The following GPR89B variants were observed in gnomAD, a reference collection of about 807,000 sequenced individuals.
The protein encoded by GPR89B is golgi pH regulator B.
A neutral mutation model predicts 52.4 loss-of-function variants in GPR89B; 25 were observed. The observed-to-expected ratio is 0.48, with a 90% confidence interval of 0.35 to 0.67. GPR89B has a LOEUF of 0.67. Among genes scored for constraint, GPR89B ranks in the 30% least tolerant of loss-of-function variants. The probability of loss-of-function intolerance (pLI) is 0.01; values close to 1 mark genes in which losing one functional copy is unlikely to be tolerated. For missense variants in GPR89B, 146 were observed against 450.2 expected (o/e 0.32, Z 6.11); for synonymous variants, 52 against 151.2 (o/e 0.34, Z 4.81).
In GPR89B at chr1:147,968,753, G is replaced by A. The variant is rs1657212419; in HGVS notation, c.728-122G>A. Reference sequence around the variant, plus strand: ...AGTAGTGTTGCTGGCTATGAAACAGGAAATTGAGAATATAGGCAACTCCGG... The same window carrying A: ...AGTAGTGTTGCTGGCTATGAAACAGAAAATTGAGAATATAGGCAACTCCGG... On this transcript the variant is annotated intron_variant, in intron 8 of 13. Coordinates refer to ENST00000314163, the MANE Select transcript of GPR89B (RefSeq NM_016334.5). 4.0e-6 allele frequency: 6 copies of A among 1,507,780 alleles called. No individual in the cohort carries two copies. The South Asian group carries it at 6.8e-5, about 17-fold the overall frequency. The allele number at this position is 1,507,780 out of a possible 1,614,324, so 93.4% of individuals were successfully genotyped here.
intron 1 of GPR89B, among the ~76,000 whole-genome samples, chr1:147,930,541 A>G (rs1558027578): frequency 6.6e-6 from 1 of 152,066 alleles, no homozygotes; most frequent in Non-Finnish European, 1.5e-5. Flanking sequence ...GTTGTAGTGA[A>G]TATTTGTTTA....
Position 147,984,244 on chromosome 1 carries a change from G to A in GPR89B, c.910-1955G>A, listed in dbSNP as rs1269117591. Among the ~76,000 whole-genome samples the A allele has an allele frequency of 3.3e-5, 5 of 150,778 alleles. No homozygotes were observed. The East Asian group carries it at 9.8e-4, about 30-fold the overall frequency. On this transcript the variant is annotated intron_variant, in intron 10 of 13. Coordinates refer to ENST00000314163, the MANE Select transcript of GPR89B (RefSeq NM_016334.5). ...CTAATGCTAAATGATGAGTTAATGG[G>A]TGCAGCACACCAGCATGTCACATGT...
chr1:147,971,723 G>T (rs1487866843), intron 10 of GPR89B, among the ~76,000 whole-genome samples: 3 of 151,168 alleles, frequency 2.0e-5, no homozygotes, highest in Non-Finnish European at 4.4e-5. Context: ...CTTGTGATGC[G>T]CCTGCCTCAG....
chr1:148,005,756 T>C, the GPR89B span, among the ~76,000 whole-genome samples: 6 of 152,062 alleles, frequency 3.9e-5, no homozygotes, highest in Non-Finnish European at 5.9e-5. Flanking sequence ...GGAGCACATA[T>C]ACCCTTTCCC....
At chr1:147,987,375 C>G (rs1170350966) in intron 11 of GPR89B, among the ~76,000 whole-genome samples, 2 of 150,418 alleles carry the variant, frequency 1.3e-5, no homozygotes, top group Non-Finnish European at 3.0e-5. Flanking sequence ...TAAAAATTAG[C>G]TGGACATGGT....
At chr1:148,021,930 TC>T in the GPR89B span, 1 of 148,296 alleles carries the variant, frequency 6.7e-6, no homozygotes. Flanking sequence ...CTATATGGGT[TC>T]CCGATGTCAC....
At chr1:147,930,905 T>C (rs1653533130) in intron 1 of GPR89B, among the ~76,000 whole-genome samples, 1 of 152,180 alleles carries the variant, frequency 6.6e-6, no homozygotes, top group Admixed American at 6.5e-5. Flanking sequence ...GGCCTTTTCC[T>C]CATATCCCTC....
At chr1:147,930,414 C>T (rs1653479384) in intron 1 of GPR89B, among the ~76,000 whole-genome samples, 1 of 152,118 alleles carries the variant, frequency 6.6e-6, no homozygotes, top group South Asian at 2.1e-4. Context: ...GCATTTATTA[C>T]TATGGTTCAT....
the GPR89B span, among the ~76,000 whole-genome samples, chr1:148,004,261 A>G: frequency 6.7e-6 from 1 of 149,426 alleles, no homozygotes; most frequent in East Asian, 2.0e-4. Flanking sequence ...GGTTCACGCC[A>G]TTCTCCTGCC....
chr1:147,980,695 T>C (rs1242708713), intron 10 of GPR89B, among the ~76,000 whole-genome samples: 1 of 151,398 alleles, frequency 6.6e-6, no homozygotes, highest in Non-Finnish European at 1.5e-5. Flanking sequence ...CATACTCGCC[T>C]GTAGTCCCAG....
chr1:148,025,279 G>A, the GPR89B span, among the ~76,000 whole-genome samples: 1 of 151,752 alleles, frequency 6.6e-6, no homozygotes, highest in Non-Finnish European at 1.5e-5. Flanking sequence ...TTTCCTAATT[G>A]TAGAATGAGC....
At chr1:147,947,163 C>T (rs1178170733) in intron 5 of GPR89B, among the ~76,000 whole-genome samples, 1 of 151,930 alleles carries the variant, frequency 6.6e-6, no homozygotes, top group Non-Finnish European at 1.5e-5. Context: ...GGCAAAACCC[C>T]GTCTGTACTA....
chr1:147,970,534 T>TCTCTCTCTC, intron 10 of GPR89B, among the ~76,000 whole-genome samples: 1 of 114,814 alleles, frequency 8.7e-6, no homozygotes. Flanking sequence ...TCTCTCTCTC[T>TCTCTCTCTC]ATCTCTATCT....
At position 147,986,311 on chromosome 1, in the gene GPR89B, G is replaced by C. The variant is rs1658665913; in HGVS notation, c.1005+17G>C. The C allele has an allele frequency of 6.2e-7, 1 of 1,610,544 alleles. No homozygotes were observed. Among genetic ancestry groups the C allele is most frequent in the Non-Finnish European group, 8.5e-7 (1 of 1,178,888 alleles). ...CAATTTGATGTAAGTGTTATATCAA[G>C]ATCCTGGTTTGTCATGTTTCTGTTT... On this transcript the variant is annotated intron_variant, in intron 11 of 13. Coordinates refer to ENST00000314163, the MANE Select transcript of GPR89B (RefSeq NM_016334.5).
At chr1:147,983,499 A>G (rs1402613313) in intron 10 of GPR89B, among the ~76,000 whole-genome samples, 7 of 152,192 alleles carry the variant, frequency 4.6e-5, no homozygotes, top group African/African-American at 1.7e-4. Context: ...AAACAACCCC[A>G]TCAAAAAGTT....
At chr1:148,008,392 CTG>C in the GPR89B span, among the ~76,000 whole-genome samples, 6 of 152,152 alleles carry the variant, frequency 3.9e-5, no homozygotes, top group African/African-American at 1.4e-4. Context: ...ATACACACCA[CTG>C]TGTTTAATAA....
chr1:147,997,669 C>T (rs1474856560), downstream of GPR89B, among the ~76,000 whole-genome samples: 1 of 152,110 alleles, frequency 6.6e-6, no homozygotes, highest in East Asian at 1.9e-4. Flanking sequence ...TAATTAATCT[C>T]CTCTCATACC....
intron 13 of GPR89B, 51 bp downstream of exon 13, chr1:147,992,618 G>A: frequency 1.9e-6 from 3 of 1,610,772 alleles, no homozygotes; most frequent in African/African-American, 1.3e-5. Context: ...TATCAGAAAT[G>A]TGCTTGATAC....
chr1:147,986,525 A>G (rs1366856203), intron 11 of GPR89B, among the ~76,000 whole-genome samples: 1 of 152,172 alleles, frequency 6.6e-6, no homozygotes, highest in African/African-American at 2.4e-5. Flanking sequence ...AGAAGTAATG[A>G]CTGATACTTA....
Sources: gnomAD v4.1 joint callset for allele counts (sites outside exome capture counted in the v4.1 genomes callset) on GRCh38, gnomAD v4.1.1 for gene constraint, MANE v1.5 for transcripts, NCBI Gene and HGNC (gene_info 2026-07-23, HGNC 2026-07-21) for gene names.